COL5A2: variants seen among roughly 807,000 people sequenced by gnomAD.
COL5A2 encodes the protein collagen alpha-2(V) chain.
COL5A2 carries 23 observed loss-of-function variants against 208.2 expected under a neutral mutation model. The observed-to-expected ratio is 0.11, with a 90% CI of 0.08 to 0.16. The LOEUF (loss-of-function observed/expected upper bound fraction) is 0.16. Among genes scored for constraint, COL5A2 ranks in the 10% least tolerant of loss-of-function variants. The pLI is 1.00. For missense variants in COL5A2, 1,590 were observed against 1,956.4 expected (o/e 0.81, Z 3.53); for synonymous variants, 625 against 628.5 (o/e 0.99, Z 0.08).
At chr2:189,114,318 T>A (rs1436225076) in intron 1 of COL5A2, among the ~76,000 whole-genome samples, 1 of 152,112 alleles carries the variant, frequency 6.6e-6, no homozygotes, top group Non-Finnish European at 1.5e-5. Context: ...ATACAGGGTG[T>A]CTTGCAGTTT....
At chr2:189,302,918 G>A in the COL5A2 span, among the ~76,000 whole-genome samples, 1 of 152,068 alleles carries the variant, frequency 6.6e-6, no homozygotes, top group African/African-American at 2.4e-5. Context: ...TTTCAATTTG[G>A]ATATGCCAAA....
Position 189,032,112 on chromosome 2 carries a change from C to G in COL5A2, c.*1958G>C, listed in dbSNP as rs1018129097. ...TATAAATACTCAAATTTAAGATATACAGGTCAAAATATAACCAGTTTAGGG... is the reference window on the plus strand; with the variant it reads ...TATAAATACTCAAATTTAAGATATAGAGGTCAAAATATAACCAGTTTAGGG... On this transcript the variant is annotated 3_prime_UTR_variant, in exon 54 of 54. Transcript: ENST00000374866. The G allele has an allele frequency of 6.6e-6, 1 of 152,038 alleles. No homozygotes were observed. Among genetic ancestry groups the G allele is most frequent in the African/African-American group, 2.4e-5 (1 of 41,396 alleles). 9.4% of individuals were successfully genotyped at this position (152,038 alleles called of 1,614,324 possible).
intron 1 of COL5A2, among the ~76,000 whole-genome samples, chr2:189,165,166 T>C (rs541276526): frequency 1.3e-5 from 2 of 152,344 alleles, no homozygotes; most frequent in African/African-American, 4.8e-5. Flanking sequence ...AATGTGTATA[T>C]GTACCACTTA....
the COL5A2 span, among the ~76,000 whole-genome samples, chr2:189,264,351 A>C: frequency 2.0e-5 from 3 of 152,150 alleles, no homozygotes; most frequent in South Asian, 6.2e-4. Context: ...TGTAACATCA[A>C]ATGATATACT....
chr2:189,403,676 A>C, the COL5A2 span, among the ~76,000 whole-genome samples: 1 of 152,200 alleles, frequency 6.6e-6, no homozygotes, highest in African/African-American at 2.4e-5. Flanking sequence ...TGAGATAATC[A>C]TGTAGCTTTT....
At chr2:189,064,438 C>T (rs1408776398) in intron 25 of COL5A2, 119 bp downstream of exon 25, 1 of 737,960 alleles carries the variant, frequency 1.4e-6, no homozygotes, top group Non-Finnish European at 2.3e-6. Context: ...ACCATAAAAA[C>T]AAAGAAATGT....
the COL5A2 span, among the ~76,000 whole-genome samples, chr2:189,436,045 G>A: frequency 6.6e-6 from 1 of 152,110 alleles, no homozygotes; most frequent in Non-Finnish European, 1.5e-5. Flanking sequence ...GATAAAGCTA[G>A]AAACCATCAT....
intron 1 of COL5A2, among the ~76,000 whole-genome samples, chr2:189,115,779 T>G (rs541539873): frequency 3.9e-5 from 6 of 152,348 alleles, no homozygotes; most frequent in African/African-American, 1.4e-4. Flanking sequence ...GTAGCATTGA[T>G]GAATGCAGAT....
intron 1 of COL5A2, among the ~76,000 whole-genome samples, chr2:189,134,475 G>A (rs926389696): frequency 3.3e-5 from 5 of 152,196 alleles, no homozygotes; most frequent in Non-Finnish European, 7.3e-5. Flanking sequence ...TGTAATCCCA[G>A]CTACTCGGGA....
chr2:189,063,880 C>G (rs955718393), intron 26 of COL5A2, 100 bp downstream of exon 26: 1 of 904,268 alleles, frequency 1.1e-6, no homozygotes, highest in Non-Finnish European at 1.8e-6. Flanking sequence ...ATATGACCAG[C>G]ATCCATATAA....
intron 8 of COL5A2, 33 bp downstream of exon 8, chr2:189,088,662 A>G: frequency 3.3e-6 from 5 of 1,514,062 alleles, no homozygotes; most frequent in Non-Finnish European, 4.6e-6. Flanking sequence ...TTTTCACTGA[A>G]GTACTTCAAT....
chr2:189,326,548 G>C, the COL5A2 span, among the ~76,000 whole-genome samples: 1 of 151,898 alleles, frequency 6.6e-6, no homozygotes, highest in Non-Finnish European at 1.5e-5. Flanking sequence ...AAAATTAGCT[G>C]TGCATGGTGG....
intron 13 of COL5A2, 129 bp downstream of exon 13, chr2:189,080,861 T>C: frequency 1.3e-6 from 1 of 775,166 alleles, no homozygotes; most frequent in South Asian, 1.5e-5. Context: ...TAACCACAGA[T>C]GAATACTGCA....
chr2:189,071,230 C>T (rs776850687), intron 18 of COL5A2, among the ~76,000 whole-genome samples: 5 of 152,084 alleles, frequency 3.3e-5, no homozygotes, highest in Non-Finnish European at 4.4e-5. Flanking sequence ...GGTGACTGTC[C>T]GTGACCGCAG....
chr2:189,051,238 T>C, intron 42 of COL5A2, 82 bp downstream of exon 42: 1 of 1,575,244 alleles, frequency 6.3e-7, no homozygotes, highest in Non-Finnish European at 8.7e-7. Flanking sequence ...TATTTAAGCA[T>C]TTTTGTGACA....
the COL5A2 span, among the ~76,000 whole-genome samples, chr2:189,255,541 C>T: frequency 6.6e-6 from 1 of 152,216 alleles, no homozygotes; most frequent in African/African-American, 2.4e-5. Flanking sequence ...TTATATTGCT[C>T]ATGATAAAAT....
intron 1 of COL5A2, among the ~76,000 whole-genome samples, chr2:189,112,299 G>A (rs1186534294): frequency 6.6e-6 from 1 of 152,088 alleles, no homozygotes; most frequent in African/African-American, 2.4e-5. Context: ...TTCATAAAAA[G>A]ATGTTTTAAT....
At chr2:189,313,580 C>A in the COL5A2 span, among the ~76,000 whole-genome samples, 1 of 152,052 alleles carries the variant, frequency 6.6e-6, no homozygotes, top group Non-Finnish European at 1.5e-5. Flanking sequence ...AGGATCAAAT[C>A]CACACATATC....
chr2:189,083,053 AG>A, intron 12 of COL5A2, among the ~76,000 whole-genome samples: 1 of 152,348 alleles, frequency 6.6e-6, no homozygotes, highest in Non-Finnish European at 1.5e-5. Context: ...ATTTTCAGAA[AG>A]TAAACAGAAA....
Sources: gnomAD v4.1 joint callset for allele counts (sites outside exome capture counted in the v4.1 genomes callset) on GRCh38, gnomAD v4.1.1 for gene constraint, MANE v1.5 for transcripts, NCBI Gene and HGNC (gene_info 2026-07-23, HGNC 2026-07-21) for gene names.